The following TAFA4 variants were observed in gnomAD, a reference collection of about 807,000 sequenced individuals.
TAFA4 encodes TAFA chemokine like family member 4, also known as chemokine-like protein TAFA-4.
A neutral mutation model predicts 21.1 loss-of-function variants in TAFA4; 20 were observed. That is an observed-to-expected ratio of 0.95 (90% confidence interval 0.67 to 1.38). The LOEUF is 1.38. Among genes scored for constraint, TAFA4 ranks in the 40% most tolerant of loss-of-function variants. TAFA4 has a pLI of 0.00. For synonymous variants in TAFA4, 71 were observed against 67.4 expected, an observed-to-expected ratio of 1.05 and a Z score of -0.26; for missense variants, 211 against 180.9, an observed-to-expected ratio of 1.17 and a Z score of -0.95.
At chr3:68,854,830 C>A (rs1033896194) in intron 3 of TAFA4, among the ~76,000 whole-genome samples, 30 of 152,014 alleles carry the variant, frequency 2.0e-4, no homozygotes, top group Non-Finnish European at 2.8e-4. Context: ...CCTTACGCTT[C>A]TGGAAAACAG....
chr3:68,840,613 TATG>T (rs1559539525), intron 3 of TAFA4, among the ~76,000 whole-genome samples: 1 of 152,164 alleles, frequency 6.6e-6, no homozygotes, highest in African/African-American at 2.4e-5. Flanking sequence ...TAAAAACTCT[TATG>T]TTGTTTCCTT....
At chr3:68,931,794 A>G (rs1423347923) in intron 1 of TAFA4, among the ~76,000 whole-genome samples, 1 of 151,994 alleles carries the variant, frequency 6.6e-6, no homozygotes, top group Non-Finnish European at 1.5e-5. Flanking sequence ...GGGGACGCTG[A>G]CCGGCTCCCA....
intron 3 of TAFA4, among the ~76,000 whole-genome samples, chr3:68,796,551 C>G (rs1703457401): frequency 6.6e-6 from 1 of 151,948 alleles, no homozygotes; most frequent in Non-Finnish European, 1.5e-5. Context: ...TTAGAAGAAA[C>G]AGGGAAAAGC....
At chr3:68,915,762 T>C (rs2089998948) in intron 1 of TAFA4, among the ~76,000 whole-genome samples, 2 of 152,178 alleles carry the variant, frequency 1.3e-5, no homozygotes, top group Non-Finnish European at 2.9e-5. Context: ...TAGCTAAATC[T>C]CCCTAACTAA....
intron 1 of TAFA4, among the ~76,000 whole-genome samples, chr3:68,904,310 C>A (rs923273446): frequency 6.6e-6 from 1 of 152,158 alleles, no homozygotes; most frequent in Non-Finnish European, 1.5e-5. Flanking sequence ...TCCATGATTG[C>A]ATCTTTAAGA....
intron 3 of TAFA4, among the ~76,000 whole-genome samples, chr3:68,847,132 G>C (rs4586813): frequency 0.33 from 49,986 of 152,072 alleles, 8,591 homozygotes; most frequent in Non-Finnish European, 0.37. Context: ...TCCCTTCCCC[G>C]AGGTGATCTG....
At chr3:68,744,472 C>T (rs1211736879) in intron 4 of TAFA4, among the ~76,000 whole-genome samples, 1 of 152,172 alleles carries the variant, frequency 6.6e-6, no homozygotes, top group Admixed American at 6.5e-5. Flanking sequence ...GAAGAACAAA[C>T]TCTAAAACAG....
chr3:68,755,653 G>A (rs1702647504), intron 3 of TAFA4, among the ~76,000 whole-genome samples: 1 of 152,160 alleles, frequency 6.6e-6, no homozygotes, highest in Admixed American at 6.5e-5. Flanking sequence ...AAAATTAGGT[G>A]GCTGTCATCT....
intron 1 of TAFA4, among the ~76,000 whole-genome samples, chr3:68,894,569 G>A (rs368234718): frequency 2.0e-4 from 30 of 152,278 alleles, no homozygotes; most frequent in African/African-American, 7.2e-4. Context: ...GCATTATACT[G>A]GGACATGCTG....
chr3:68,921,644 G>A (rs1321104883), intron 1 of TAFA4, among the ~76,000 whole-genome samples: 1 of 152,132 alleles, frequency 6.6e-6, no homozygotes, highest in African/African-American at 2.4e-5. Flanking sequence ...TTCCCAGAAC[G>A]AATGAAATCT....
At chr3:68,875,633 G>A (rs1021346032) in intron 3 of TAFA4, among the ~76,000 whole-genome samples, 2 of 152,028 alleles carry the variant, frequency 1.3e-5, no homozygotes, top group Non-Finnish European at 2.9e-5. Flanking sequence ...ATATTAAAAT[G>A]GTATCATCAG....
chr3:68,887,517 C>T (rs1291079342), intron 1 of TAFA4, among the ~76,000 whole-genome samples: 2 of 152,146 alleles, frequency 1.3e-5, no homozygotes, highest in Non-Finnish European at 2.9e-5. Context: ...GTGGCTCCTC[C>T]CTTGTAACAA....
intron 3 of TAFA4, among the ~76,000 whole-genome samples, chr3:68,809,466 T>C (rs1276791815): frequency 6.6e-6 from 1 of 151,958 alleles, no homozygotes; most frequent in African/African-American, 2.4e-5. Flanking sequence ...TTTTGAAATA[T>C]GCAAATTTTA....
At chr3:68,764,053 G>T (rs143130003) in intron 3 of TAFA4, among the ~76,000 whole-genome samples, 4 of 151,990 alleles carry the variant, frequency 2.6e-5, no homozygotes, top group Non-Finnish European at 4.4e-5. Context: ...TGTTATGAAC[G>T]GTACTGAATT....
intron 3 of TAFA4, among the ~76,000 whole-genome samples, chr3:68,778,606 G>A (rs1331166861): frequency 6.6e-6 from 1 of 152,118 alleles, no homozygotes; most frequent in Non-Finnish European, 1.5e-5. Flanking sequence ...AGATCTGATG[G>A]TTTTAAAAAG....
rs1303153662 is a variant in TAFA4 at position 68,753,031 on chromosome 3, G to A, written c.131-13C>T. ...ATTTGGTGGTGACCTAGTTGGTAAT[G>A]GGGGAGAAAAACAAACCCAGTGCTG... On this transcript the variant is annotated splice_polypyrimidine_tract_variant and intron_variant, in intron 3 of 5. Coordinates refer to ENST00000295569, the MANE Select transcript of TAFA4 (RefSeq NM_182522.5). The A allele has an allele frequency of 5.0e-6, 8 of 1,609,684 alleles. No individual in the cohort carries two copies. The highest frequency in any genetic ancestry group is 1.7e-5 in the Admixed American group (1 of 59,734).
intron 1 of TAFA4, among the ~76,000 whole-genome samples, chr3:68,914,033 G>A (rs185964395): frequency 6.6e-6 from 1 of 152,176 alleles, no homozygotes; most frequent in East Asian, 1.9e-4. Context: ...AAAAAACAAG[G>A]AAGTGCAACA....
At chr3:68,741,544 C>G (rs1702352423) in intron 4 of TAFA4, among the ~76,000 whole-genome samples, 1 of 152,090 alleles carries the variant, frequency 6.6e-6, no homozygotes, top group South Asian at 2.1e-4. Context: ...CCTGTAATCC[C>G]AGCACTTTGG....
intron 3 of TAFA4, among the ~76,000 whole-genome samples, chr3:68,753,226 G>A (rs1458286178): frequency 6.6e-6 from 1 of 152,032 alleles, no homozygotes; most frequent in Non-Finnish European, 1.5e-5. Context: ...CCTGTGGTAG[G>A]CAGAAATGAG....
Sources: allele counts gnomAD v4.1 joint callset (sites outside exome capture counted in the v4.1 genomes callset), GRCh38; gene constraint gnomAD v4.1.1; transcripts MANE v1.5; gene names NCBI Gene and HGNC (gene_info 2026-07-23, HGNC 2026-07-21).